Variants in PPP4R1 observed in about 807,000 individuals in gnomAD.
PPP4R1 encodes serine/threonine-protein phosphatase 4 regulatory subunit 1.
Under a neutral mutation model 111.2 loss-of-function variants are expected in PPP4R1, and 42 were observed. The ratio of observed to expected loss-of-function variants is 0.38; its 90% CI spans 0.29 to 0.49. The LOEUF (loss-of-function observed/expected upper bound fraction) is 0.49. PPP4R1 is among the 20% of genes least tolerant of loss of function. The pLI is 0.97. For synonymous variants in PPP4R1, 409 were observed against 405.5 expected (o/e 1.01, Z -0.10); for missense variants, 1,012 against 1,161.6 (o/e 0.87, Z 1.87).
intron 19 of PPP4R1, among the ~76,000 whole-genome samples, chr18:9,548,870 A>G (rs910751946): frequency 2.0e-5 from 3 of 152,256 alleles, no homozygotes; most frequent in Non-Finnish European, 4.4e-5. Context: ...GTGAGCTGAG[A>G]TCGCACCATT....
At chr18:9,597,178 G>C (rs1484316861) in intron 2 of PPP4R1, among the ~76,000 whole-genome samples, 1 of 152,136 alleles carries the variant, frequency 6.6e-6, no homozygotes, top group Non-Finnish European at 1.5e-5. Context: ...CGAAGCCATG[G>C]TTTCAGACAC....
intron 9 of PPP4R1, among the ~76,000 whole-genome samples, chr18:9,578,684 G>A (rs2066977544): frequency 6.6e-6 from 1 of 151,970 alleles, no homozygotes; most frequent in South Asian, 2.1e-4. Context: ...TCTTGGAGAA[G>A]CATACATAAA....
rs1568081087 is a variant in PPP4R1 at position 9,550,343 on chromosome 18, G to A, written c.2347C>T (p.Arg783Cys). ...GCACACAGATTCAGAGCAATGGGAC[G>A]TAAATAGTCATAAACATCTCTGGGA... is the stretch of plus-strand genomic sequence containing the variant. ...YSPRDVYDYL[R>C]PIALNLCADK... The change falls in exon 17 of 20, where the codon CGT becomes TGT. Residue 783 changes from arginine (R) to cysteine (C), a missense_variant. This residue lies in a region of PPP4R1 where 305 missense variants were observed against 419.5 expected (regional missense o/e 0.73). Transcript: ENST00000400556. 2 of 1,610,644 alleles carry A rather than the reference G, an allele frequency of 1.2e-6. No homozygotes were observed. The highest frequency in any genetic ancestry group is 1.1e-5 in the South Asian group (1 of 90,992).
Position 9,550,281 on chromosome 18 carries a change from C to A in PPP4R1, c.2409G>T (p.Lys803Asn). 6.2e-7 allele frequency: 1 copy of A among 1,613,992 alleles called. No homozygotes were observed. Among genetic ancestry groups the A allele is most frequent in the Non-Finnish European group, 8.5e-7 (1 of 1,179,982 alleles). ...ATTTTAAAAGTTCAATACATACCAACTTGTAGGAAATCCAACGAACAGAAG... is the reference window on the plus strand; with the variant it reads ...ATTTTAAAAGTTCAATACATACCAAATTGTAGGAAATCCAACGAACAGAAG... ...KVSSVRWISY[K>N]LVSEMVKKLH... Residue 803 changes from lysine to asparagine, a missense_variant, in exon 17 of 20, where the codon AAG becomes AAT. By Grantham distance (94) the Lys-to-Asn change is moderately conservative. This residue lies in a region of PPP4R1 where 305 missense variants were observed against 419.5 expected (regional missense o/e 0.73). Coordinates refer to ENST00000400556, the MANE Select transcript of PPP4R1 (RefSeq NM_001042388.3).
At chr18:9,566,204 C>T (rs971726879) in intron 11 of PPP4R1, among the ~76,000 whole-genome samples, 3 of 151,928 alleles carry the variant, frequency 2.0e-5, no homozygotes, top group Non-Finnish European at 4.4e-5. Flanking sequence ...AGCCACCTCG[C>T]CCGGCCCAGA....
chr18:9,585,663 C>T (rs2067103482), intron 6 of PPP4R1, among the ~76,000 whole-genome samples: 1 of 152,016 alleles, frequency 6.6e-6, no homozygotes, highest in Non-Finnish European at 1.5e-5. Flanking sequence ...ACAAAGAAGC[C>T]ACCAGAATAA....
intron 10 of PPP4R1, among the ~76,000 whole-genome samples, chr18:9,571,926 T>A (rs190629101): frequency 1.3e-5 from 2 of 152,240 alleles, no homozygotes; most frequent in Non-Finnish European, 2.9e-5. Flanking sequence ...CTGGAGGAAG[T>A]GTAGAAAATG....
Position 9,577,201 on chromosome 18 carries a change from TA to T in PPP4R1, c.919-11del. The T allele has an allele frequency of 1.3e-6, 2 of 1,595,598 alleles. No homozygotes were observed. Among genetic ancestry groups the T allele is most frequent in the East Asian group, 2.2e-5 (1 of 44,660 alleles). On this transcript the variant is annotated splice_polypyrimidine_tract_variant and intron_variant, in intron 9 of 19. Transcript: ENST00000400556. ...AAGCTGCTTGGCGAACCTAGGAAGA[TA>T]AAAAGGACAATAATAAAGGAATCAT...
chr18:9,595,670 A>C (rs1462385851), intron 2 of PPP4R1, among the ~76,000 whole-genome samples: 1 of 152,190 alleles, frequency 6.6e-6, no homozygotes, highest in Non-Finnish European at 1.5e-5. Flanking sequence ...TGAAAATACT[A>C]ATGTTTCTGA....
rs1223535993 is a variant in PPP4R1, at chr18:9,570,320, T to C, written c.1410A>G (p.Ile470Met). Residue 470 changes from isoleucine to methionine, a missense_variant, in exon 11 of 20, where the codon ATA becomes ATG. This residue lies in a region of PPP4R1 where 707 missense variants were observed against 742.1 expected (regional missense o/e 0.95). Coordinates refer to ENST00000400556, the MANE Select transcript of PPP4R1 (RefSeq NM_001042388.3). ...TTCCCCCAGAGTTCTGTTCAAGCTC[T>C]ATGTCTAGATCTATTTCAGGAAGAG... ...RTPLPEIDLD[I>M]ELEQNSGGKP... is the part of the protein sequence containing the mutation. 6.8e-6 allele frequency: 11 copies of C among 1,611,956 alleles called. No homozygotes were observed.
At chr18:9,599,564 A>C (rs1051338351) in intron 2 of PPP4R1, 1 of 152,202 alleles carries the variant, frequency 6.6e-6, no homozygotes, top group Non-Finnish European at 1.5e-5. Context: ...ATTGGATTAC[A>C]AACAACACCT....
Position 9,614,553 on chromosome 18 carries a change from A to G in PPP4R1, c.-69T>C. ...CTACATGGAGCGGCGCGAGCCGGGG[A>G]GCCGGTGGACGCGCGCGGGAGGGGC... On this transcript the variant is annotated 5_prime_UTR_variant, in exon 1 of 20. Transcript: ENST00000400556. The surrounding 1 kb of genome is among the most constrained non-coding windows in gnomAD (Gnocchi z 4.1). The G allele has an allele frequency of 2.0e-6, 2 of 982,930 alleles. No individual in the cohort carries two copies. Among genetic ancestry groups the G allele is most frequent in the Non-Finnish European group, 1.2e-6 (1 of 826,734 alleles). 60.9% of individuals were successfully genotyped at this position (982,930 alleles called of 1,614,324 possible).
intron 14 of PPP4R1, 31 bp downstream of exon 14, chr18:9,559,388 G>A (rs758256710): frequency 3.8e-6 from 6 of 1,567,550 alleles, no homozygotes; most frequent in South Asian, 2.4e-5. Context: ...CCACATGCAC[G>A]TTCTGCTAAT....
At position 9,570,479 on chromosome 18, in the gene PPP4R1, T is replaced by C. The variant is rs1365201214; in HGVS notation, c.1251A>G (p.Glu417=). Residue 417 remains glutamate, a synonymous_variant, in exon 11 of 20, where the codon GAA becomes GAG. Coordinates refer to ENST00000400556, the MANE Select transcript of PPP4R1 (RefSeq NM_001042388.3). ...TTTTATCATTCTCATTACTAGCTGC[T>C]TCCTGGTGAGATTCTGAGGACAAAG... The part of the protein sequence containing the change: ...LCTLSSESHQ[E]AASNENDKKP... The C allele has an allele frequency of 6.2e-7, 1 of 1,614,054 alleles. No individual in the cohort carries two copies. Among genetic ancestry groups the C allele is most frequent in the African/African-American group, 1.3e-5 (1 of 74,938 alleles).
Position 9,593,788 on chromosome 18 carries a change from C to T in PPP4R1, c.275G>A (p.Ser92Asn). 1 of 1,613,706 alleles carries T rather than the reference C, an allele frequency of 6.2e-7. No homozygotes were observed. The highest frequency in any genetic ancestry group is 8.5e-7 in the Non-Finnish European group (1 of 1,179,744). ...RDCIAVLERISRLADDSEPTV... is the reference protein window; with the variant it reads ...RDCIAVLERINRLADDSEPTV... ...TATACCTGAATCATCGGCCAATCTG[C>T]TAATTCTTTCCAAAACAGCAATACA... is the stretch of plus-strand genomic sequence containing the variant. Residue 92 changes from serine to asparagine, a missense_variant, in exon 4 of 20, where the codon AGC becomes AAC. Ser to Asn is a conservative substitution (Grantham distance 46). Coordinates refer to ENST00000400556, the MANE Select transcript of PPP4R1 (RefSeq NM_001042388.3).
At position 9,588,208 on chromosome 18, in the gene PPP4R1, G is replaced by C. The variant is rs763278202; in HGVS notation, c.466C>G (p.Leu156Val). ...QVRKTSQAALLALLEQELIER... is the reference protein window; with the variant it reads ...QVRKTSQAALVALLEQELIER... The stretch of plus-strand genomic sequence containing the variant: ...ATGAGCTCCTGCTCCAACAGAGCCA[G>C]CAAAGCTGCCTGACTTGTTTTCCTC... The change falls in exon 6 of 20, where the codon CTG (leucine) becomes GTG (valine). Residue 156 changes from leucine (L) to valine (V), a missense_variant. Around this residue, in one of 2 missense-constraint regions of PPP4R1, gnomAD observed 707 missense variants for 742.1 expected, o/e 0.95. Coordinates refer to ENST00000400556, the MANE Select transcript of PPP4R1 (RefSeq NM_001042388.3). 5.6e-6 allele frequency: 9 copies of C among 1,614,016 alleles called. No individual in the cohort carries two copies. The highest frequency in any genetic ancestry group is 7.6e-6 in the Non-Finnish European group (9 of 1,179,948).
intron 10 of PPP4R1, among the ~76,000 whole-genome samples, 163 bp downstream of exon 10, chr18:9,576,897 TGCGC>T (rs2066944912): frequency 7.7e-6 from 1 of 130,424 alleles, no homozygotes; most frequent in African/African-American, 3.2e-5. Flanking sequence ...AACAAACAAA[TGCGC>T]TTAAAGTAAA....
chr18:9,614,259 GC>G lies in PPP4R1; in HGVS notation c.18del (p.Leu7PhefsTer23). The G allele has an allele frequency of 7.4e-7, 1 of 1,348,070 alleles. No individual in the cohort carries two copies. The highest frequency in any genetic ancestry group is 1.7e-5 in the South Asian group (1 of 57,590). 83.5% of individuals were successfully genotyped at this position (1,348,070 alleles called of 1,614,324 possible). A position where few individuals can be genotyped will look rare whatever the true frequency, so the allele number is the denominator to read the frequency against. On this transcript the variant is annotated frameshift_variant, in exon 2 of 20. Coordinates refer to ENST00000400556, the MANE Select transcript of PPP4R1 (RefSeq NM_001042388.3). LOFTEE classifies it high-confidence loss of function. This position sits in a 1 kb window ranked among gnomAD's most constrained non-coding sequence, Gnocchi z 4.1. MADLS[L>X]LQEDLQEDAD... ...GCGTCCTCCTGCAGGTCCTCCTGAA[GC>G]AGCGAGAGGTCTGCGCCGAGGGGAG...
Position 9,614,209 on chromosome 18 carries a change from G to C in PPP4R1, c.52+17C>G. On this transcript the variant is annotated intron_variant, in intron 2 of 19. Transcript: ENST00000400556. This position sits in a 1 kb window ranked among gnomAD's most constrained non-coding sequence, Gnocchi z 4.1. ...TCCCCGCGGACTGCCAGGCCACCGC[G>C]AGGCCGGGCCACTCACATCCGTCTG... The C allele has an allele frequency of 7.4e-7, 1 of 1,355,876 alleles. No homozygotes were observed. The highest frequency in any genetic ancestry group is 9.6e-7 in the Non-Finnish European group (1 of 1,040,884). The allele number at this position is 1,355,876 out of a possible 1,614,324, so 84.0% of individuals were successfully genotyped here. A position where few individuals can be genotyped will look rare whatever the true frequency, so the allele number is the denominator to read the frequency against.
Sources: gnomAD v4.1 joint callset for allele counts (sites outside exome capture counted in the v4.1 genomes callset) on GRCh38, gnomAD v4.1.1 for gene constraint, gnomAD v4.1.1 regional missense constraint, Gnocchi (gnomAD v3.1) non-coding constraint, MANE v1.5 for transcripts, NCBI Gene and HGNC (gene_info 2026-07-23, HGNC 2026-07-21) for gene names.